ZNF282: variants seen among roughly 807,000 people sequenced by gnomAD.
ZNF282 encodes HTLV-I U5 repressive element-binding protein 1.
A neutral mutation model predicts 61.9 loss-of-function variants in ZNF282; 30 were observed. That is an observed-to-expected ratio of 0.48 (90% CI 0.36 to 0.66). ZNF282 has a LOEUF of 0.66. Ranked by LOEUF, ZNF282 falls within the 30% of genes least tolerant of loss-of-function variation. The probability of loss-of-function intolerance (pLI) is 0.00; values close to 1 mark genes in which losing one functional copy is unlikely to be tolerated. For missense variants in ZNF282, 788 were observed against 941.4 expected, an observed-to-expected ratio of 0.84 and a Z score of 2.13; for synonymous variants, 396 against 405.0, an observed-to-expected ratio of 0.98 and a Z score of 0.27.
chr7:149,220,815 T>C (rs1202122009), intron 7 of ZNF282, among the ~76,000 whole-genome samples: 1 of 150,868 alleles, frequency 6.6e-6, no homozygotes, highest in African/African-American at 2.4e-5. Flanking sequence ...GGGAGGGGCG[T>C]AGGATAGAGG....
In ZNF282 at chr7:149,224,579, C is replaced by G. The variant is rs778122687; in HGVS notation, c.1948C>G (p.Arg650Gly). 8 of 1,596,524 alleles carry G rather than the reference C, an allele frequency of 5.0e-6. No individual in the cohort carries two copies. The highest frequency in any genetic ancestry group is 6.0e-6 in the Non-Finnish European group (7 of 1,174,926). The change falls in exon 8 of 8, where the codon CGC becomes GGC. Residue 650 changes from arginine (R) to glycine (G), a missense_variant. Arg to Gly is a moderately radical substitution (Grantham distance 125, BLOSUM62 -2). Transcript: ENST00000610704. ...CAAGGAGTCGCTCAAGGACCACCTGCGCGTGCACAGCGGCGGCCCGGGCCC... is the reference window on the plus strand; with the variant it reads ...CAAGGAGTCGCTCAAGGACCACCTGGGCGTGCACAGCGGCGGCCCGGGCCC... ...RYKESLKDHL[R>G]VHSGGPGPGA...
chr7:149,206,836 C>T lies in ZNF282; in HGVS notation c.712+14C>T, dbSNP rs1350388187. 3 of 1,613,796 alleles carry T rather than the reference C, an allele frequency of 1.9e-6. No individual in the cohort carries two copies. The highest frequency in any genetic ancestry group is 2.5e-6 in the Non-Finnish European group (3 of 1,179,986). On this transcript the variant is annotated intron_variant, in intron 3 of 7. Coordinates refer to ENST00000610704, the MANE Select transcript of ZNF282 (RefSeq NM_003575.4). ...TCATGTCCCTGGGTAAGGACACCTT[C>T]TCTCCTCTTTGGTGAGCCATCTCTG...
At position 149,207,336 on chromosome 7, in the gene ZNF282, C is replaced by A. The variant is rs760715899; in HGVS notation, c.713-15C>A. The A allele has an allele frequency of 6.3e-6, 10 of 1,585,796 alleles. No individual in the cohort carries two copies. Among genetic ancestry groups the A allele is most frequent in the Non-Finnish European group, 7.7e-6 (9 of 1,164,034 alleles). ...AACTTCACTCAGCCTTTCCCTCCCTCCTCCTCACTTCCAGACGCGGAGGGC... is the reference window on the plus strand; with the variant it reads ...AACTTCACTCAGCCTTTCCCTCCCTACTCCTCACTTCCAGACGCGGAGGGC... On this transcript the variant is annotated splice_polypyrimidine_tract_variant and intron_variant, in intron 3 of 7. Coordinates refer to ENST00000610704, the MANE Select transcript of ZNF282 (RefSeq NM_003575.4).
intron 5 of ZNF282, among the ~76,000 whole-genome samples, chr7:149,211,710 C>T (rs1298207562): frequency 1.3e-5 from 2 of 152,104 alleles, no homozygotes; most frequent in Non-Finnish European, 2.9e-5. Context: ...TTAGTCAGAG[C>T]CTCACACCCA....
intron 7 of ZNF282, among the ~76,000 whole-genome samples, chr7:149,222,047 G>A (rs550548967): frequency 1.3e-4 from 20 of 148,212 alleles, no homozygotes; most frequent in Non-Finnish European, 2.5e-4. Flanking sequence ...GTGATGGAGC[G>A]TGAGGCATGA....
intron 1 of ZNF282, among the ~76,000 whole-genome samples, chr7:149,196,380 G>C (rs6956736): frequency 0.7 from 106,298 of 152,018 alleles, 38,224 homozygotes; most frequent in East Asian, 0.96. Context: ...GCCCTTGCCT[G>C]GTCCCAGAGC....
chr7:149,210,617 T>G lies in ZNF282; in HGVS notation c.865T>G (p.Ser289Ala). ...GCCCCTGGTGCCTGCGCAGGATGCG[T>G]CCTCCCAGGTGAAGCGTGAGGACAC... ...AEPLVPAQDASSQVKREDTLC... is the reference protein window; with the variant it reads ...AEPLVPAQDAASQVKREDTLC... The change falls in exon 5 of 8, where the codon TCC becomes GCC. Residue 289 changes from serine to alanine, a missense_variant. By Grantham distance (99) the Ser-to-Ala change is moderately conservative. This residue lies in a region of ZNF282 where 559 missense variants were observed against 642.0 expected (regional missense o/e 0.87). Transcript: ENST00000610704. 4 of 1,612,336 alleles carry G rather than the reference T, an allele frequency of 2.5e-6. No individual in the cohort carries two copies. The highest frequency in any genetic ancestry group is 3.4e-6 in the Non-Finnish European group (4 of 1,179,404).
Position 149,210,304 on chromosome 7 carries a change from CT to C in ZNF282, c.833-280del, listed in dbSNP as rs1485992807. On this transcript the variant is annotated intron_variant, in intron 4 of 7. Transcript: ENST00000610704. ...AATTCTCTCTTCAGTGTCATCACCC[CT>C]CATTTTGCTGCTTGCCTAGCCCTTT... is the stretch of plus-strand genomic sequence containing the variant. Among the ~76,000 whole-genome samples the C allele has an allele frequency of 2.6e-5, 4 of 152,272 alleles. No individual in the cohort carries two copies. In the East Asian group the frequency reaches 7.7e-4, roughly 29 times the overall value.
At chr7:149,204,901 G>A (rs1272804177) in intron 2 of ZNF282, among the ~76,000 whole-genome samples, 8 of 152,062 alleles carry the variant, frequency 5.3e-5, no homozygotes, top group East Asian at 3.9e-4. Flanking sequence ...GGCGGATCAC[G>A]GGGTCAGGAG....
chr7:149,197,463 GT>G (rs1314497401), intron 1 of ZNF282, among the ~76,000 whole-genome samples: 3 of 152,132 alleles, frequency 2.0e-5, no homozygotes, highest in Non-Finnish European at 4.4e-5. Flanking sequence ...AATGTGGTGG[GT>G]TTTTTTGTTG....
intron 4 of ZNF282, 111 bp from the exon 5 acceptor site, chr7:149,210,474 C>T (rs1487736729): frequency 6.5e-7 from 1 of 1,531,172 alleles, no homozygotes; most frequent in Non-Finnish European, 8.8e-7. Flanking sequence ...GTCCTGGTGA[C>T]CAGCATGCAG....
chr7:149,216,870 AATTT>A (rs1300816031), intron 7 of ZNF282, among the ~76,000 whole-genome samples: 1 of 152,226 alleles, frequency 6.6e-6, no homozygotes, highest in Non-Finnish European at 1.5e-5. Flanking sequence ...GGGACTCCTG[AATTT>A]ATTTATTAAT....
intron 7 of ZNF282, among the ~76,000 whole-genome samples, chr7:149,218,959 A>C (rs1035729707): frequency 1.3e-5 from 2 of 152,170 alleles, no homozygotes; most frequent in Non-Finnish European, 2.9e-5. Context: ...TCACCCTCCC[A>C]GCATGTCAAC....
At chr7:149,211,026 A>G (rs1172492475) in intron 5 of ZNF282, among the ~76,000 whole-genome samples, 2 of 152,188 alleles carry the variant, frequency 1.3e-5, no homozygotes, top group South Asian at 4.1e-4. Flanking sequence ...GTAAGGCTTC[A>G]TGGGTGGGGG....
intron 7 of ZNF282, among the ~76,000 whole-genome samples, chr7:149,220,917 G>GTTTTTT (rs764989538): frequency 1.0e-3 from 48 of 47,702 alleles, no homozygotes; most frequent in African/African-American, 2.0e-3. Flanking sequence ...CCCCTGGAGG[G>GTTTTTT]TTTTTTTTTT....
chr7:149,207,600 G>GGCCA, intron 4 of ZNF282, 130 bp downstream of exon 4: 1 of 1,377,312 alleles, frequency 7.3e-7, no homozygotes, highest in Non-Finnish European at 9.7e-7. Context: ...GGCTCCCAGG[G>GGCCA]GCCAGTTCTG....
intron 7 of ZNF282, among the ~76,000 whole-genome samples, chr7:149,219,755 G>C (rs554060653): frequency 1.3e-5 from 2 of 152,316 alleles, no homozygotes; most frequent in South Asian, 2.1e-4. Context: ...GCTGAGGCAA[G>C]AGAATCGCTT....
Position 149,198,551 on chromosome 7 carries a change from A to G in ZNF282, c.384A>G (p.Thr128=), listed in dbSNP as rs537694957. Residue 128 remains threonine, a synonymous_variant, in exon 2 of 8, where the codon ACA becomes ACG. Coordinates refer to ENST00000610704, the MANE Select transcript of ZNF282 (RefSeq NM_003575.4). The surrounding 1 kb of genome is among the most constrained non-coding windows in gnomAD (Gnocchi z 4.3). ...TGAACCTGGAGGGGCGCACGGGGAC[A>G]GCCGAGAAGAAGCTGGCCGACTGTG... The part of the protein sequence containing the change: ...QLLNLEGRTG[T]AEKKLADCEK... 1 of 1,614,214 alleles carries G rather than the reference A, an allele frequency of 6.2e-7. No individual in the cohort carries two copies. The highest frequency in any genetic ancestry group is 1.3e-5 in the African/African-American group (1 of 75,056).
chr7:149,199,907 A>T (rs1038345798), intron 2 of ZNF282, among the ~76,000 whole-genome samples: 1 of 152,006 alleles, frequency 6.6e-6, no homozygotes, highest in Admixed American at 6.6e-5. Context: ...TTAAGTGATA[A>T]TCTCAATGTT....
Sources: gnomAD v4.1 joint callset for allele counts (sites outside exome capture counted in the v4.1 genomes callset) on GRCh38, gnomAD v4.1.1 for gene constraint, gnomAD v4.1.1 regional missense constraint, Gnocchi (gnomAD v3.1) non-coding constraint, MANE v1.5 for transcripts, NCBI Gene and HGNC (gene_info 2026-07-23, HGNC 2026-07-21) for gene names.